Variants in ESCO1 observed in about 807,000 individuals in gnomAD.
ESCO1 encodes the protein N-acetyltransferase ESCO1.
A neutral mutation model predicts 83.5 loss-of-function variants in ESCO1; 33 were observed. That is an observed-to-expected ratio of 0.40 (90% CI 0.30 to 0.53). The LOEUF (loss-of-function observed/expected upper bound fraction) is 0.53, where lower values mean the gene tolerates loss of function less well. Among genes scored for constraint, ESCO1 ranks in the 20% least tolerant of loss-of-function variants. ESCO1 has a pLI of 0.63. For synonymous variants in ESCO1, 332 were observed against 324.3 expected (o/e 1.02, Z -0.25); for missense variants, 855 against 968.0 (o/e 0.88, Z 1.55).
rs1385867545 is a variant in ESCO1 at position 21,559,945 on chromosome 18, C to A, written c.1953+914G>T. ...ATGAATGAAACAATGAATACAAACCCTTCAACCGAAGGTAAGTATTAATAC... is the reference window on the plus strand; with the variant it reads ...ATGAATGAAACAATGAATACAAACCATTCAACCGAAGGTAAGTATTAATAC... On this transcript the variant is annotated intron_variant, in intron 8 of 11. Transcript: ENST00000269214. Among the ~76,000 whole-genome samples, 4 of 151,898 alleles carry A rather than the reference C, an allele frequency of 2.6e-5. No individual in the cohort carries two copies. In the East Asian group the frequency reaches 7.7e-4, roughly 29 times the overall value.
chr18:21,592,354 C>T (rs1321312471), intron 1 of ESCO1, among the ~76,000 whole-genome samples: 2 of 139,070 alleles, frequency 1.4e-5, no homozygotes, highest in East Asian at 2.3e-4. Context: ...ACCTCCCGGA[C>T]GAGGCGGCTG....
At chr18:21,577,705 C>A (rs949929779) in intron 2 of ESCO1, among the ~76,000 whole-genome samples, 3 of 151,732 alleles carry the variant, frequency 2.0e-5, no homozygotes, top group Admixed American at 2.0e-4. Flanking sequence ...ATTGCCATTC[C>A]CATTACTAGC....
rs1418720673 is a variant in ESCO1 at position 21,574,623 on chromosome 18, G to A, written c.221C>T (p.Ala74Val). Residue 74 changes from alanine to valine, a missense_variant, in exon 4 of 12, where the codon GCA (alanine) becomes GTA (valine). Ala to Val is a moderately conservative substitution (Grantham distance 64). Coordinates refer to ENST00000269214, the MANE Select transcript of ESCO1 (RefSeq NM_052911.3). Reference sequence around the variant, plus strand: ...GGATTTAGTAGCTTTATCATTAGATGCTGCCTTTGATGACCTTGTACTCAT... The same window carrying A: ...GGATTTAGTAGCTTTATCATTAGATACTGCCTTTGATGACCTTGTACTCAT... ...TRMSTRSSKAASNDKATKSIN... is the reference protein window; with the variant it reads ...TRMSTRSSKAVSNDKATKSIN... The A allele has an allele frequency of 6.2e-7, 1 of 1,613,910 alleles. No homozygotes were observed.
At chr18:21,568,170 A>G in intron 4 of ESCO1, 76 bp from the exon 5 acceptor site, 1 of 1,110,044 alleles carries the variant, frequency 9.0e-7, no homozygotes, top group Non-Finnish European at 1.3e-6. Context: ...ATTTTAGCAT[A>G]CTAAAAAAAT....
intron 8 of ESCO1, among the ~76,000 whole-genome samples, chr18:21,547,353 GAA>G (rs34904471): frequency 0.013 from 1,725 of 136,566 alleles, 37 homozygotes; most frequent in African/African-American, 0.041. Flanking sequence ...TTACAGATTT[GAA>G]AAAAAAAAAA....
intron 9 of ESCO1, among the ~76,000 whole-genome samples, chr18:21,536,873 G>A (rs1490401623): frequency 3.3e-5 from 5 of 152,116 alleles, no homozygotes; most frequent in East Asian, 1.9e-4. Context: ...TACTCTCATC[G>A]GTAAAACAAA....
chr18:21,551,782 T>C (rs2038050887), intron 8 of ESCO1, among the ~76,000 whole-genome samples: 1 of 152,142 alleles, frequency 6.6e-6, no homozygotes, highest in Non-Finnish European at 1.5e-5. Context: ...AGATCCCCAA[T>C]CTCAGCTGGA....
At chr18:21,560,458 G>T (rs1489860272) in intron 8 of ESCO1, among the ~76,000 whole-genome samples, 1 of 150,054 alleles carries the variant, frequency 6.7e-6, no homozygotes, top group African/African-American at 2.4e-5. Flanking sequence ...CAACCTACTT[G>T]GTATAATACC....
In ESCO1 at chr18:21,600,625, TC is replaced by T. The variant is rs2038831950; in HGVS notation, c.-828del. The T allele has an allele frequency of 1.3e-5, 2 of 152,250 alleles. No homozygotes were observed. Among genetic ancestry groups the T allele is most frequent in the African/African-American group, 4.8e-5 (2 of 41,448 alleles). 9.4% of individuals were successfully genotyped at this position (152,250 alleles called of 1,614,324 possible). ...GACCGTCAGGGACGCTCGCGTACCT[TC>T]CTTTTGCCTGGCGGAGGGTCAGACT... On this transcript the variant is annotated 5_prime_UTR_variant, in exon 1 of 12. Coordinates refer to ENST00000269214, the MANE Select transcript of ESCO1 (RefSeq NM_052911.3).
At chr18:21,566,581 C>T (rs1052149126) in intron 5 of ESCO1, among the ~76,000 whole-genome samples, 7 of 152,098 alleles carry the variant, frequency 4.6e-5, no homozygotes, top group Admixed American at 2.6e-4. Context: ...TAAAAGACGC[C>T]GGGCATGGTG....
intron 8 of ESCO1, chr18:21,540,718 A>G: frequency 7.9e-7 from 1 of 1,265,198 alleles, no homozygotes; most frequent in Non-Finnish European, 1.0e-6. Context: ...AAAAAACAAA[A>G]CAAAACAAAA....
chr18:21,564,443 T>C (rs1598465532), intron 6 of ESCO1, 126 bp from the exon 7 acceptor site: 1 of 614,170 alleles, frequency 1.6e-6, no homozygotes, highest in East Asian at 3.4e-5. Context: ...CAGGCTGGAG[T>C]GCAGTGGCGC....
chr18:21,549,239 C>A (rs937066417), intron 8 of ESCO1, among the ~76,000 whole-genome samples: 3 of 152,146 alleles, frequency 2.0e-5, no homozygotes, highest in Non-Finnish European at 4.4e-5. Flanking sequence ...CTGCTTTGAA[C>A]CTGAATATGG....
intron 8 of ESCO1, among the ~76,000 whole-genome samples, chr18:21,541,339 G>A (rs1439790912): frequency 2.6e-5 from 4 of 151,994 alleles, no homozygotes; most frequent in Non-Finnish European, 5.9e-5. Context: ...AGTGGCTCAC[G>A]CCTGTAATCC....
chr18:21,566,489 G>C (rs2038261884), intron 5 of ESCO1, among the ~76,000 whole-genome samples: 2 of 152,098 alleles, frequency 1.3e-5, no homozygotes, highest in African/African-American at 4.8e-5. Context: ...GAATAATAAG[G>C]AAATTGTTTC....
intron 1 of ESCO1, among the ~76,000 whole-genome samples, chr18:21,600,154 C>A (rs1282605955): frequency 6.6e-6 from 1 of 152,234 alleles, no homozygotes; most frequent in African/African-American, 2.4e-5. Flanking sequence ...CAGGAGGCGG[C>A]GAGGGACTGG....
At chr18:21,576,312 C>T (rs1204711435) in intron 2 of ESCO1, among the ~76,000 whole-genome samples, 1 of 152,006 alleles carries the variant, frequency 6.6e-6, no homozygotes. Flanking sequence ...TGTGACCAGC[C>T]TGGAGAATAT....
chr18:21,585,193 T>C (rs777831844), intron 1 of ESCO1, among the ~76,000 whole-genome samples: 3 of 151,604 alleles, frequency 2.0e-5, no homozygotes, highest in Non-Finnish European at 4.4e-5. Flanking sequence ...CTCAATCTTA[T>C]ACCATATAAT....
intron 10 of ESCO1, 66 bp from the exon 11 acceptor site, chr18:21,532,726 G>A: frequency 6.9e-7 from 1 of 1,456,500 alleles, no homozygotes; most frequent in Non-Finnish European, 9.3e-7. Context: ...ATACTGATCT[G>A]GTTGAGGCGG....
Sources: gnomAD v4.1 joint callset for allele counts (sites outside exome capture counted in the v4.1 genomes callset) on GRCh38, gnomAD v4.1.1 for gene constraint, MANE v1.5 for transcripts, NCBI Gene and HGNC (gene_info 2026-07-23, HGNC 2026-07-21) for gene names.